KCNMA1: variants seen among roughly 807,000 people sequenced by gnomAD.
The protein encoded by KCNMA1 is potassium calcium-activated channel subfamily M alpha 1.
KCNMA1 carries 29 observed loss-of-function variants against 140.0 expected under a neutral mutation model. The observed-to-expected ratio is 0.21, with a 90% CI of 0.15 to 0.28. KCNMA1 has a LOEUF of 0.28. Ranked by LOEUF, KCNMA1 falls within the 10% of genes least tolerant of loss-of-function variation. The pLI is 1.00. For synonymous variants in KCNMA1, 612 were observed against 611.9 expected, an observed-to-expected ratio of 1.00 and a Z score of 0.00; for missense variants, 880 against 1,602.2, an observed-to-expected ratio of 0.55 and a Z score of 7.70.
intron 2 of KCNMA1, among the ~76,000 whole-genome samples, chr10:77,364,361 C>T (rs957827215): frequency 1.3e-5 from 2 of 151,830 alleles, no homozygotes; most frequent in Non-Finnish European, 2.9e-5. Context: ...TGAGGCAGGA[C>T]AATCTCTTGA....
At chr10:77,296,767 A>C (rs2075218661) in intron 2 of KCNMA1, among the ~76,000 whole-genome samples, 1 of 152,102 alleles carries the variant, frequency 6.6e-6, no homozygotes, top group Non-Finnish European at 1.5e-5. Context: ...TGCTCTTCAC[A>C]GAATGCTATC....
chr10:77,202,883 G>A (rs905403101), intron 3 of KCNMA1, among the ~76,000 whole-genome samples: 2 of 152,156 alleles, frequency 1.3e-5, no homozygotes, highest in African/African-American at 4.8e-5. Flanking sequence ...CAAGGAACAT[G>A]TCAACAGTTT....
At chr10:77,607,110 G>A (rs114735144) in intron 1 of KCNMA1, among the ~76,000 whole-genome samples, 7 of 152,356 alleles carry the variant, frequency 4.6e-5, no homozygotes, top group African/African-American at 1.7e-4. Context: ...GAAAAGGACA[G>A]AAAGAACTGT....
chr10:77,358,877 AC>A (rs1388431083), intron 2 of KCNMA1, among the ~76,000 whole-genome samples: 1 of 152,148 alleles, frequency 6.6e-6, no homozygotes, highest in Non-Finnish European at 1.5e-5. Context: ...GGATCCTGCC[AC>A]CTCATCCCTG....
At chr10:77,407,256 C>T (rs1283747440) in intron 1 of KCNMA1, among the ~76,000 whole-genome samples, 1 of 152,134 alleles carries the variant, frequency 6.6e-6, no homozygotes, top group Non-Finnish European at 1.5e-5. Flanking sequence ...CCAGGCTAGC[C>T]ACAGATCTTG....
chr10:77,035,557 AT>A (rs1231663759), intron 15 of KCNMA1, among the ~76,000 whole-genome samples: 6 of 152,216 alleles, frequency 3.9e-5, no homozygotes, highest in Non-Finnish European at 4.4e-5. Context: ...TTTCATGCAC[AT>A]ATATTTGATC....
At chr10:77,152,278 T>TTG (rs72088425) in intron 5 of KCNMA1, among the ~76,000 whole-genome samples, 1,460 of 99,164 alleles carry the variant, frequency 0.015, 19 homozygotes, top group African/African-American at 0.043. Context: ...TTTTTTGCTT[T>TTG]TGTGTGTGTG....
rs186918225 is a variant in KCNMA1 at position 77,523,980 on chromosome 10, C to T, written c.378+113285G>A. On this transcript the variant is annotated intron_variant, in intron 1 of 27. Coordinates refer to ENST00000286628, the MANE Select transcript of KCNMA1 (RefSeq NM_001161352.2). ...TTGTTTGTAACTCAAAGGATAAATGCTTGAGGAGATGAATATTCACTCTCC... is the reference window on the plus strand; with the variant it reads ...TTGTTTGTAACTCAAAGGATAAATGTTTGAGGAGATGAATATTCACTCTCC... 2.0e-5 allele frequency among the ~76,000 whole-genome samples: 3 copies of T among 152,246 alleles called. 1 individual carries two copies. In the South Asian group the frequency reaches 6.2e-4, roughly 32 times the overall value.
At chr10:77,309,329 G>A (rs146685702) in intron 2 of KCNMA1, among the ~76,000 whole-genome samples, 3 of 152,264 alleles carry the variant, frequency 2.0e-5, no homozygotes, top group Admixed American at 6.5e-5. Flanking sequence ...CAGGTGCTTC[G>A]AGGCTGGCCA....
At chr10:77,442,481 T>C (rs1425745769) in intron 1 of KCNMA1, among the ~76,000 whole-genome samples, 1 of 152,136 alleles carries the variant, frequency 6.6e-6, no homozygotes, top group Non-Finnish European at 1.5e-5. Flanking sequence ...CAGATGAGCC[T>C]GGCTTGGCCT....
At chr10:77,426,436 C>CG (rs901117604) in intron 1 of KCNMA1, among the ~76,000 whole-genome samples, 3 of 152,044 alleles carry the variant, frequency 2.0e-5, no homozygotes, top group Non-Finnish European at 4.4e-5. Flanking sequence ...GCCCATTTTA[C>CG]GGATGAGGAA....
chr10:77,471,930 A>T (rs1284079890), intron 1 of KCNMA1, among the ~76,000 whole-genome samples: 1 of 151,378 alleles, frequency 6.6e-6, no homozygotes, highest in African/African-American at 2.4e-5. Flanking sequence ...CCATATATAT[A>T]TACACACCAC....
intron 3 of KCNMA1, among the ~76,000 whole-genome samples, chr10:77,230,375 A>G (rs2053178498): frequency 6.6e-6 from 1 of 152,244 alleles, no homozygotes. Context: ...TGATGGTTGC[A>G]TAACATTGTG....
At chr10:77,262,207 A>G (rs2062200529) in intron 2 of KCNMA1, among the ~76,000 whole-genome samples, 1 of 152,222 alleles carries the variant, frequency 6.6e-6, no homozygotes, top group African/African-American at 2.4e-5. Context: ...ATCTCTCCAT[A>G]CAATGGAATA....
intron 27 of KCNMA1, 81 bp from the exon 28 acceptor site, chr10:76,887,596 C>T (rs1489606291): frequency 2.6e-6 from 4 of 1,520,138 alleles, no homozygotes; most frequent in Non-Finnish European, 3.6e-6. Context: ...AAAGCAATGG[C>T]CTGGTTACTC....
intron 2 of KCNMA1, among the ~76,000 whole-genome samples, chr10:77,340,873 CA>C (rs11297506): frequency 0.22 from 29,248 of 135,208 alleles, 3,041 homozygotes; most frequent in Admixed American, 0.28. Context: ...TAAAAAATGC[CA>C]AAAAAAAAAA....
At chr10:77,530,402 C>T (rs1164126148) in intron 1 of KCNMA1, among the ~76,000 whole-genome samples, 3 of 152,200 alleles carry the variant, frequency 2.0e-5, no homozygotes, top group African/African-American at 7.2e-5. Context: ...TTGTCTAAGT[C>T]TAACATAAAA....
chr10:76,952,070 T>C (rs565572819), intron 21 of KCNMA1: 3 of 1,552,322 alleles, frequency 1.9e-6, no homozygotes, highest in Non-Finnish European at 2.6e-6. Flanking sequence ...CAGGAGATGT[T>C]GATTGAATAT....
At chr10:77,256,948 A>C (rs1422210076) in intron 2 of KCNMA1, among the ~76,000 whole-genome samples, 1 of 152,128 alleles carries the variant, frequency 6.6e-6, no homozygotes, top group African/African-American at 2.4e-5. Context: ...TACAAAAAAA[A>C]CTTTAAAAAA....
Sources: allele counts gnomAD v4.1 joint callset (sites outside exome capture counted in the v4.1 genomes callset), GRCh38; gene constraint gnomAD v4.1.1; transcripts MANE v1.5; gene names NCBI Gene and HGNC (gene_info 2026-07-23, HGNC 2026-07-21).